GARIN2: variants seen among roughly 807,000 people sequenced by gnomAD.
GARIN2 encodes the protein Golgi-associated RAB2 interactor protein 2.
the GARIN2 span, among the ~76,000 whole-genome samples, chr14:67,216,072 C>T: frequency 6.6e-6 from 1 of 152,156 alleles, no homozygotes; most frequent in Non-Finnish European, 1.5e-5. Context: ...CGCCTCCCAC[C>T]GTGTCCTCCT....
the GARIN2 span, chr14:67,203,005 C>T: frequency 7.4e-7 from 1 of 1,347,812 alleles, no homozygotes; most frequent in East Asian, 2.3e-5. Context: ...TCCTTTATTT[C>T]CTACCCTCTC....
At chr14:67,198,836 C>T in the GARIN2 span, 1 of 574,882 alleles carries the variant, frequency 1.7e-6, no homozygotes, top group East Asian at 3.5e-5. Flanking sequence ...AAACATTCAA[C>T]ATTAAAATAT....
At chr14:67,218,192 C>T in the GARIN2 span, among the ~76,000 whole-genome samples, 1 of 152,122 alleles carries the variant, frequency 6.6e-6, no homozygotes, top group Admixed American at 6.5e-5. Context: ...GTCTGGCTTG[C>T]TGGGTTTGGG....
chr14:67,193,657 A>G, the GARIN2 span, among the ~76,000 whole-genome samples: 2 of 148,298 alleles, frequency 1.3e-5, no homozygotes, highest in Admixed American at 1.3e-4. Flanking sequence ...ATAGAAATTA[A>G]GTAGGCCAAG....
chr14:67,195,856 G>T, the GARIN2 span, among the ~76,000 whole-genome samples: 1 of 151,894 alleles, frequency 6.6e-6, no homozygotes, highest in African/African-American at 2.4e-5. Flanking sequence ...CAATTCTCCT[G>T]CCTCAGCCTC....
chr14:67,221,989 C>T, the GARIN2 span: 920 of 660,768 alleles, frequency 1.4e-3, 21 homozygotes, highest in South Asian at 0.025. Context: ...TTCTCAAAGC[C>T]GATCCTCAGG....
chr14:67,197,186 C>A, the GARIN2 span: 1 of 152,260 alleles, frequency 6.6e-6, no homozygotes, highest in Admixed American at 6.5e-5. Flanking sequence ...ATCTTGGCCT[C>A]CCAAAGTGCT....
At chr14:67,204,850 C>T in the GARIN2 span, 2 of 1,613,908 alleles carry the variant, frequency 1.2e-6, no homozygotes, top group Non-Finnish European at 8.5e-7. Context: ...AGGTACAGGC[C>T]CTGAACATGT....
chr14:67,217,993 T>G, the GARIN2 span, among the ~76,000 whole-genome samples: 1 of 152,160 alleles, frequency 6.6e-6, no homozygotes, highest in Non-Finnish European at 1.5e-5. Context: ...TTGCATTGGC[T>G]TTGGTTCTAA....
the GARIN2 span, chr14:67,205,093 T>A: frequency 6.5e-7 from 1 of 1,545,808 alleles, no homozygotes; most frequent in South Asian, 1.2e-5. Flanking sequence ...GGAGAAGGTA[T>A]GTGTCACTGA....
the GARIN2 span, chr14:67,221,846 C>T: frequency 9.3e-6 from 15 of 1,607,718 alleles, no homozygotes; most frequent in East Asian, 1.6e-4. Flanking sequence ...ATTGTGATCC[C>T]TGGTATTCAG....
At chr14:67,198,295 C>G in the GARIN2 span, 3 of 1,613,630 alleles carry the variant, frequency 1.9e-6, no homozygotes, top group Admixed American at 5.0e-5. Context: ...GTATCTCCTC[C>G]CATGTTAGAG....
the GARIN2 span, chr14:67,201,300 C>T: frequency 1.7e-5 from 6 of 348,106 alleles, no homozygotes; most frequent in Non-Finnish European, 3.4e-5. Flanking sequence ...TCTCTAAAAA[C>T]AAACAAATAA....
At chr14:67,193,308 CTATA>C in the GARIN2 span, among the ~76,000 whole-genome samples, 1 of 127,250 alleles carries the variant, frequency 7.9e-6, no homozygotes, top group Admixed American at 8.2e-5. Flanking sequence ...CTATATATCT[CTATA>C]TAGATATCTA....
At chr14:67,204,417 G>C in the GARIN2 span, 1 of 1,349,676 alleles carries the variant, frequency 7.4e-7, no homozygotes, top group Middle Eastern at 2.7e-4. Flanking sequence ...ACTCCAACGT[G>C]GGCAACAGAG....
chr14:67,225,962 T>TGTGTGCGC, the GARIN2 span, among the ~76,000 whole-genome samples: 490 of 113,474 alleles, frequency 4.3e-3, 1 homozygote, highest in African/African-American at 0.023. Context: ...TGTGTGTGTG[T>TGTGTGCGC]GCGCGCGCGC....
the GARIN2 span, among the ~76,000 whole-genome samples, chr14:67,193,629 C>A: frequency 6.9e-6 from 1 of 144,698 alleles, no homozygotes; most frequent in Non-Finnish European, 1.5e-5. Flanking sequence ...ATATATCTAT[C>A]TATATAGATA....
chr14:67,214,197 T>C, the GARIN2 span, among the ~76,000 whole-genome samples: 3 of 152,234 alleles, frequency 2.0e-5, no homozygotes, highest in Non-Finnish European at 4.4e-5. Context: ...ATTTTGGCTT[T>C]TGTTGCCATT....
chr14:67,208,531 A>G, the GARIN2 span: 1 of 1,400,156 alleles, frequency 7.1e-7, no homozygotes, highest in Non-Finnish European at 9.6e-7. Flanking sequence ...CTCTTAACTC[A>G]GGCATCTGCC....
Sources: gnomAD v4.1 joint callset for allele counts (sites outside exome capture counted in the v4.1 genomes callset) on GRCh38, gnomAD v4.1.1 for gene constraint, MANE v1.5 for transcripts, NCBI Gene and HGNC (gene_info 2026-07-23, HGNC 2026-07-21) for gene names.